The following DIP2C variants were observed in gnomAD, a reference collection of about 807,000 sequenced individuals.
DIP2C encodes DIP2 acetate--CoA ligase C (putative).
A neutral mutation model predicts 192.4 loss-of-function variants in DIP2C; 33 were observed. The observed-to-expected ratio is 0.17, with a 90% CI of 0.13 to 0.23. DIP2C has a LOEUF of 0.23. Ranked by LOEUF, DIP2C falls within the 10% of genes least tolerant of loss-of-function variation. The pLI, the probability that DIP2C is intolerant of heterozygous loss-of-function variation, is 1.00. For missense variants in DIP2C, 1,537 were observed against 2,110.1 expected (o/e 0.73, Z 5.32); for synonymous variants, 979 against 864.1 (o/e 1.13, Z -2.33).
At chr10:286,387 T>C in intron 33 of DIP2C, 40 bp from the exon 34 acceptor site, 2 of 1,578,250 alleles carry the variant, frequency 1.3e-6, no homozygotes, top group Non-Finnish European at 1.7e-6. Context: ...ATGGGAGGAA[T>C]ACAGGGAGAG....
rs534822206 is a variant in DIP2C, at chr10:666,570, G to T, written c.85+22924C>A. 1 of 150,554 alleles carries T rather than the reference G, an allele frequency of 6.6e-6. No homozygotes were observed. The highest frequency in any genetic ancestry group is 1.5e-5 in the Non-Finnish European group (1 of 67,954). The allele number at this position is 150,554 out of a possible 1,614,324, so 9.3% of individuals were successfully genotyped here. ...GCACACAGGTAACATAGAACTGGGG[G>T]TAAGCAAAGCCACGAGGTCGGCCCG... is the stretch of plus-strand genomic sequence containing the variant. On this transcript the variant is annotated intron_variant, in intron 1 of 36. Transcript: ENST00000280886. The surrounding 1 kb of genome is among the most constrained non-coding windows in gnomAD (Gnocchi z 4.1).
At chr10:524,227 G>A (rs1588385147) in intron 1 of DIP2C, among the ~76,000 whole-genome samples, 1 of 152,206 alleles carries the variant, frequency 6.6e-6, no homozygotes, top group Admixed American at 6.5e-5. Context: ...GCAACCACCT[G>A]CTTCTTGAAG....
At chr10:597,976 C>G (rs1258688463) in intron 1 of DIP2C, among the ~76,000 whole-genome samples, 1 of 152,222 alleles carries the variant, frequency 6.6e-6, no homozygotes, top group Non-Finnish European at 1.5e-5. Flanking sequence ...GGTTCCCTAC[C>G]TGGACTCTGG....
chr10:472,403 A>G, intron 3 of DIP2C, 36 bp downstream of exon 3: 1 of 1,581,846 alleles, frequency 6.3e-7, no homozygotes, highest in South Asian at 1.1e-5. Context: ...CACAGGTGGC[A>G]GATGGACGTA....
At chr10:593,393 A>C (rs1438922160) in intron 1 of DIP2C, among the ~76,000 whole-genome samples, 2 of 151,752 alleles carry the variant, frequency 1.3e-5, no homozygotes, top group Non-Finnish European at 2.9e-5. Context: ...TTTATCCTGT[A>C]AATTCCAACT....
At chr10:409,210 A>T (rs1965018158) in intron 8 of DIP2C, among the ~76,000 whole-genome samples, 193 bp from the exon 9 acceptor site, 1 of 152,140 alleles carries the variant, frequency 6.6e-6, no homozygotes, top group Non-Finnish European at 1.5e-5. Context: ...GTAGAAAAGC[A>T]TCAGGGATTC....
intron 10 of DIP2C, among the ~76,000 whole-genome samples, chr10:392,616 G>T (rs770866632): frequency 6.6e-6 from 1 of 152,278 alleles, no homozygotes; most frequent in African/African-American, 2.4e-5. Context: ...GCCCAGCCCT[G>T]GCCAGTGTGC....
At chr10:601,788 C>T (rs1192609443) in intron 1 of DIP2C, among the ~76,000 whole-genome samples, 1 of 152,150 alleles carries the variant, frequency 6.6e-6, no homozygotes, top group Non-Finnish European at 1.5e-5. Flanking sequence ...CAGGAGGAAG[C>T]GGCTGGGGAC....
chr10:465,763 A>T (rs1164288096), intron 3 of DIP2C, among the ~76,000 whole-genome samples: 2 of 151,688 alleles, frequency 1.3e-5, no homozygotes, highest in African/African-American at 4.9e-5. Context: ...CAGAGAGCCA[A>T]ATCATGAGTG....
At chr10:535,945 C>T (rs962970263) in intron 1 of DIP2C, among the ~76,000 whole-genome samples, 2 of 152,220 alleles carry the variant, frequency 1.3e-5, no homozygotes, top group East Asian at 1.9e-4. Context: ...CCATTGCTCC[C>T]GTAAGCTTCC....
chr10:406,986 G>A (rs1964852423), intron 9 of DIP2C, among the ~76,000 whole-genome samples: 1 of 151,874 alleles, frequency 6.6e-6, no homozygotes, highest in Non-Finnish European at 1.5e-5. Flanking sequence ...TCTCCAACCT[G>A]ACCAATCAGC....
chr10:617,650 A>C, intron 1 of DIP2C, among the ~76,000 whole-genome samples: 1 of 138,738 alleles, frequency 7.2e-6, no homozygotes, highest in Middle Eastern at 3.7e-3. Flanking sequence ...GCTCCTGTGG[A>C]TACCACCCCC....
intron 1 of DIP2C, among the ~76,000 whole-genome samples, chr10:539,841 GAAT>G (rs1247707238): frequency 6.6e-6 from 1 of 152,270 alleles, no homozygotes; most frequent in Admixed American, 6.5e-5. Flanking sequence ...CTATATCATA[GAAT>G]AACAGGATAA....
intron 1 of DIP2C, among the ~76,000 whole-genome samples, chr10:526,339 T>C (rs891434889): frequency 6.6e-6 from 1 of 152,228 alleles, no homozygotes; most frequent in Non-Finnish European, 1.5e-5. Flanking sequence ...GAAAAATGTG[T>C]GTTTAGCATA....
Position 280,635 on chromosome 10 carries a change from GAGAA to G in DIP2C, c.4418+561_4418+564del, listed in dbSNP as rs1237310354. 1.7e-4 allele frequency among the ~76,000 whole-genome samples: 26 copies of G among 152,372 alleles called. 1 individual carries two copies. The South Asian group carries it at 4.6e-3, about 27-fold the overall frequency. On this transcript the variant is annotated intron_variant, in intron 36 of 36. Transcript: ENST00000280886. ...TTCACAACAGATTAAATGGGCCAGAGAGAAAGACAAAGTCCCAGCCTCAGAGTCC... is the reference window on the plus strand; with the variant it reads ...TTCACAACAGATTAAATGGGCCAGAGAGACAAAGTCCCAGCCTCAGAGTCC...
At chr10:331,268 T>A (rs1957496892) in intron 29 of DIP2C, among the ~76,000 whole-genome samples, 1 of 152,172 alleles carries the variant, frequency 6.6e-6, no homozygotes, top group Non-Finnish European at 1.5e-5. Context: ...TAAAGAAATG[T>A]AAGGAAGTTA....
chr10:604,708 TGTC>T (rs1341794268), intron 1 of DIP2C, among the ~76,000 whole-genome samples: 2 of 152,260 alleles, frequency 1.3e-5, no homozygotes, highest in African/African-American at 4.8e-5. Context: ...AAAAGACATT[TGTC>T]AATCTATTGT....
At chr10:669,579 C>G (rs1011566233) in intron 1 of DIP2C, 1 of 152,214 alleles carries the variant, frequency 6.6e-6, no homozygotes, top group Non-Finnish European at 1.5e-5. Flanking sequence ...TAATCCACTA[C>G]AAGTCACACT....
chr10:283,571 A>C, intron 34 of DIP2C, 125 bp from the exon 35 acceptor site: 1 of 1,171,776 alleles, frequency 8.5e-7, no homozygotes, highest in Non-Finnish European at 1.2e-6. Flanking sequence ...TGGACTGAAT[A>C]ACCAAGATGA....
Sources: allele counts gnomAD v4.1 joint callset (sites outside exome capture counted in the v4.1 genomes callset), GRCh38; gene constraint gnomAD v4.1.1; non-coding constraint Gnocchi (gnomAD v3.1); transcripts MANE v1.5; gene names NCBI Gene and HGNC (gene_info 2026-07-23, HGNC 2026-07-21).